CSMD1: variants seen among roughly 807,000 people sequenced by gnomAD.
CSMD1 encodes CUB and Sushi multiple domains 1.
In CSMD1, 213 loss-of-function variants were observed where a neutral mutation model predicts 417.5. That is an observed-to-expected ratio of 0.51 (90% CI 0.46 to 0.57). The LOEUF is 0.57. Among genes scored for constraint, CSMD1 ranks in the 20% least tolerant of loss-of-function variants. The probability of loss-of-function intolerance (pLI) is 0.00; values close to 1 mark genes in which losing one functional copy is unlikely to be tolerated. For missense variants in CSMD1, 6,923 were observed against 4,529.7 expected, an observed-to-expected ratio of 1.53 and a Z score of -15.17; for synonymous variants, 2,862 against 1,736.8, an observed-to-expected ratio of 1.65 and a Z score of -16.11.
intron 3 of CSMD1, among the ~76,000 whole-genome samples, chr8:4,305,267 G>T (rs931427979): frequency 6.6e-6 from 1 of 152,170 alleles, no homozygotes; most frequent in African/African-American, 2.4e-5. Context: ...CATTTCCAAT[G>T]CCTGGGAACT....
At chr8:3,546,531 A>G (rs1373081469) in intron 10 of CSMD1, among the ~76,000 whole-genome samples, 1 of 146,296 alleles carries the variant, frequency 6.8e-6, no homozygotes, top group Non-Finnish European at 1.5e-5. Flanking sequence ...TGAGACTCCA[A>G]AAAAAAAGAA....
intron 26 of CSMD1, among the ~76,000 whole-genome samples, chr8:3,256,675 G>A (rs1408230309): frequency 6.6e-6 from 1 of 152,154 alleles, no homozygotes; most frequent in African/African-American, 2.4e-5. Context: ...TTCCAGAACT[G>A]GATCCTGCAG....
intron 3 of CSMD1, among the ~76,000 whole-genome samples, chr8:4,256,341 C>T (rs561006695): frequency 6.6e-6 from 1 of 152,164 alleles, no homozygotes; most frequent in Non-Finnish European, 1.5e-5. Flanking sequence ...GAATTTCTAG[C>T]TCCTACTTTT....
chr8:4,439,842 G>C (rs1392576080), intron 2 of CSMD1, among the ~76,000 whole-genome samples: 1 of 152,116 alleles, frequency 6.6e-6, no homozygotes, highest in Non-Finnish European at 1.5e-5. Flanking sequence ...TAATACAGAA[G>C]GCAGCTTCGA....
At chr8:4,334,513 T>C (rs142204646) in intron 3 of CSMD1, among the ~76,000 whole-genome samples, 8 of 152,280 alleles carry the variant, frequency 5.3e-5, no homozygotes, top group Admixed American at 2.6e-4. Flanking sequence ...TCCCTATAAA[T>C]GCATGAGCTA....
intron 3 of CSMD1, among the ~76,000 whole-genome samples, chr8:4,289,584 G>A (rs1204409568): frequency 6.6e-6 from 1 of 152,276 alleles, no homozygotes; most frequent in South Asian, 2.1e-4. Flanking sequence ...TTTTGTCCAG[G>A]TCTGGCAGTG....
intron 10 of CSMD1, among the ~76,000 whole-genome samples, chr8:3,513,249 A>G (rs1243587522): frequency 6.6e-6 from 1 of 151,718 alleles, no homozygotes; most frequent in Non-Finnish European, 1.5e-5. Flanking sequence ...GTTTTCCCCT[A>G]TTTGGAAATT....
At chr8:4,749,398 C>T (rs1002614421) in intron 1 of CSMD1, among the ~76,000 whole-genome samples, 3 of 152,194 alleles carry the variant, frequency 2.0e-5, no homozygotes, top group Non-Finnish European at 2.9e-5. Flanking sequence ...AGTGTAAACA[C>T]TTCATATATT....
chr8:3,780,942 A>T (rs1799145134), intron 5 of CSMD1, among the ~76,000 whole-genome samples: 1 of 152,212 alleles, frequency 6.6e-6, no homozygotes, highest in Admixed American at 6.5e-5. Context: ...TAAATGTAAA[A>T]ATAAAGCTCT....
chr8:3,090,467 T>A (rs569679014), intron 48 of CSMD1, among the ~76,000 whole-genome samples: 150 of 152,298 alleles, frequency 9.8e-4, no homozygotes, highest in Non-Finnish European at 1.7e-3. Flanking sequence ...AATATCTGAA[T>A]TTCTTGCCTG....
chr8:3,728,931 T>A (rs1487967608), intron 6 of CSMD1, among the ~76,000 whole-genome samples: 1 of 152,106 alleles, frequency 6.6e-6, no homozygotes, highest in Non-Finnish European at 1.5e-5. Context: ...AAATCAATAA[T>A]CCCAAAATAA....
intron 10 of CSMD1, among the ~76,000 whole-genome samples, chr8:3,536,070 A>G (rs564530294): frequency 1.4e-4 from 21 of 152,290 alleles, no homozygotes; most frequent in African/African-American, 5.1e-4. Flanking sequence ...GCCATACACA[A>G]GTAGAGATGT....
At chr8:4,483,709 G>A (rs543875679) in intron 2 of CSMD1, among the ~76,000 whole-genome samples, 1 of 151,976 alleles carries the variant, frequency 6.6e-6, no homozygotes, top group Non-Finnish European at 1.5e-5. Context: ...TTGTCATGAA[G>A]AAAAAGAAAG....
At chr8:3,948,097 T>A (rs1382308814) in intron 5 of CSMD1, among the ~76,000 whole-genome samples, 4 of 152,072 alleles carry the variant, frequency 2.6e-5, no homozygotes, top group Admixed American at 2.6e-4. Context: ...TCCCAGCTAC[T>A]CCGGAGGATG....
intron 2 of CSMD1, among the ~76,000 whole-genome samples, chr8:4,556,325 C>A (rs978015618): frequency 6.6e-6 from 1 of 151,838 alleles, no homozygotes. Context: ...TATAGAATAC[C>A]TATTTTAAAT....
chr8:4,547,321 A>G (rs1221923748), intron 2 of CSMD1, among the ~76,000 whole-genome samples: 2 of 152,220 alleles, frequency 1.3e-5, no homozygotes, highest in Non-Finnish European at 2.9e-5. Context: ...GAATTTTCCA[A>G]TCAATTTTCC....
chr8:3,104,710 C>CTT lies in CSMD1; in HGVS notation c.6949+1816_6949+1817dup, dbSNP rs34005345. On this transcript the variant is annotated intron_variant, in intron 46 of 69. Coordinates refer to ENST00000635120, the MANE Select transcript of CSMD1 (RefSeq NM_033225.6). ...GTTATCAGACTTTTTTTTTTCTTTT[C>CTT]TTTTTTTTTTTTTTTGAGACAGAGT... Among the ~76,000 whole-genome samples, 577 of 134,992 alleles carry CTT rather than the reference C, an allele frequency of 4.3e-3. 5 individuals carry two copies. The highest frequency in any genetic ancestry group is 0.011 in the African/African-American group (399 of 35,868). 88.6% of individuals were successfully genotyped at this position (134,992 alleles called of 152,430 possible). A position where few individuals can be genotyped will look rare whatever the true frequency, so the allele number is the denominator to read the frequency against.
intron 1 of CSMD1, among the ~76,000 whole-genome samples, chr8:4,989,083 G>A (rs1275419331): frequency 2.0e-5 from 3 of 152,196 alleles, no homozygotes; most frequent in African/African-American, 7.2e-5. Context: ...GAATACCTAA[G>A]TGCAATTATT....
chr8:4,388,148 T>C (rs914231440), intron 3 of CSMD1, among the ~76,000 whole-genome samples: 1 of 152,138 alleles, frequency 6.6e-6, no homozygotes, highest in Admixed American at 6.6e-5. Flanking sequence ...AACTTACTTC[T>C]ACCAACAGTC....
Sources: gnomAD v4.1 joint callset for allele counts (sites outside exome capture counted in the v4.1 genomes callset) on GRCh38, gnomAD v4.1.1 for gene constraint, MANE v1.5 for transcripts, NCBI Gene and HGNC (gene_info 2026-07-23, HGNC 2026-07-21) for gene names.